VWF: variants seen among roughly 807,000 people sequenced by gnomAD.
The protein encoded by VWF is Factor VIII related antigen.
VWF carries 176 observed loss-of-function variants against 308.6 expected under a neutral mutation model. The observed-to-expected ratio is 0.57, with a 90% confidence interval of 0.50 to 0.65. VWF has a LOEUF of 0.65. Among genes scored for constraint, VWF ranks in the 30% least tolerant of loss-of-function variants. The pLI, the probability that VWF is intolerant of heterozygous loss-of-function variation, is 0.00. For missense variants in VWF, 3,146 were observed against 3,648.2 expected, an observed-to-expected ratio of 0.86 and a Z score of 3.55; for synonymous variants, 1,385 against 1,443.4, an observed-to-expected ratio of 0.96 and a Z score of 0.92.
rs151261204 is a variant in VWF, at chr12:6,063,824, C to T, written c.1432+422G>A. On this transcript the variant is annotated intron_variant, in intron 12 of 51. Coordinates refer to ENST00000261405, the MANE Select transcript of VWF (RefSeq NM_000552.5). The surrounding 1 kb of genome is among the most constrained non-coding windows in gnomAD (Gnocchi z 4.9). ...GACAGGCCAGAGGGTCACCTGGCCT[C>T]GCCCCAAGTGGCATCCTCTGGTGTG... is the stretch of plus-strand genomic sequence containing the variant. Among the ~76,000 whole-genome samples the T allele has an allele frequency of 3.3e-5, 5 of 152,278 alleles. No individual in the cohort carries two copies. Among genetic ancestry groups the T allele is most frequent in the Middle Eastern group, 6.8e-3 (2 of 294 alleles).
chr12:6,105,953 G>A (rs952985402), intron 5 of VWF, among the ~76,000 whole-genome samples: 1 of 152,174 alleles, frequency 6.6e-6, no homozygotes, highest in African/African-American at 2.4e-5. Context: ...TGAGGCAGGA[G>A]AATCACTTGA....
chr12:6,087,941 C>T (rs563999943), intron 6 of VWF, among the ~76,000 whole-genome samples: 58 of 152,130 alleles, frequency 3.8e-4, no homozygotes, highest in African/African-American at 1.3e-3. Flanking sequence ...AGAGACTGAT[C>T]GCCTTGAGGA....
At chr12:6,087,658 C>G (rs778399067) in intron 6 of VWF, among the ~76,000 whole-genome samples, 1 of 151,942 alleles carries the variant, frequency 6.6e-6, no homozygotes, top group Non-Finnish European at 1.5e-5. Flanking sequence ...GCCCCCGCGC[C>G]TGGCCAAGAT....
chr12:5,949,904 G>T, intron 50 of VWF, 21 bp from the exon 51 acceptor site: 1 of 1,607,996 alleles, frequency 6.2e-7, no homozygotes, highest in African/African-American at 1.3e-5. Context: ...GGTGAGAGAT[G>T]AAACTTGAGG....
At chr12:6,041,599 C>T (rs1026262073) in intron 18 of VWF, among the ~76,000 whole-genome samples, 32 of 151,844 alleles carry the variant, frequency 2.1e-4, no homozygotes, top group Non-Finnish European at 5.9e-5. Flanking sequence ...CAGGCGCCCG[C>T]CACCACGCCC....
chr12:5,964,278 A>ATACATACATACATACATG (rs1943370598), intron 47 of VWF, among the ~76,000 whole-genome samples: 7 of 138,482 alleles, frequency 5.1e-5, no homozygotes, highest in African/African-American at 2.4e-4. Context: ...ATACATGCAT[A>ATACATACATACATACATG]CATACATGCA....
intron 38 of VWF, among the ~76,000 whole-genome samples, chr12:5,990,909 T>A (rs4348960): frequency 0.35 from 9,811 of 27,968 alleles, 1,833 homozygotes; most frequent in African/African-American, 0.47. Context: ...AAAAAAAAAA[T>A]TTTGATGACT....
chr12:6,123,945 A>G (rs1056915122), intron 1 of VWF, among the ~76,000 whole-genome samples: 3 of 152,110 alleles, frequency 2.0e-5, no homozygotes, highest in Non-Finnish European at 4.4e-5. Flanking sequence ...AAGTTGTTAA[A>G]TGAAGTGCAG....
intron 43 of VWF, among the ~76,000 whole-genome samples, chr12:5,974,504 A>G (rs1943511305): frequency 6.6e-6 from 1 of 152,134 alleles, no homozygotes; most frequent in African/African-American, 2.4e-5. Flanking sequence ...CCAATAGTTG[A>G]CTGGACCAGA....
chr12:6,019,408 G>A lies in VWF; in HGVS notation c.4010C>T (p.Pro1337Leu), dbSNP rs61749400. 8 of 1,613,930 alleles carry A rather than the reference G, an allele frequency of 5.0e-6. No homozygotes were observed. The highest frequency in any genetic ancestry group is 1.1e-5 in the South Asian group (1 of 91,072). The change falls in exon 28 of 52, where the codon CCG (proline) becomes CTG (leucine). Residue 1337 changes from proline (P) to leucine (L), a missense_variant. By Grantham distance (98) the Pro-to-Leu change is moderately conservative. Coordinates refer to ENST00000261405, the MANE Select transcript of VWF (RefSeq NM_000552.5). The surrounding 1 kb of genome is among the most constrained non-coding windows in gnomAD (Gnocchi z 5.8). ...GCTGGCAATGCGCCGCAGCTCTGAC[G>A]GTCGCTTCCGGTCCTTGAGCCCGAT... ...AYIGLKDRKR[P>L]SELRRIASQV...
chr12:6,110,285 C>G, intron 5 of VWF, 89 bp downstream of exon 5: 1 of 1,392,538 alleles, frequency 7.2e-7, no homozygotes, highest in South Asian at 1.2e-5. Flanking sequence ...GGCTTGAATG[C>G]CAGGGAAGGC....
intron 44 of VWF, 36 bp from the exon 45 acceptor site, chr12:5,969,427 C>T: frequency 6.2e-7 from 1 of 1,613,432 alleles, no homozygotes; most frequent in African/African-American, 1.3e-5. Context: ...CAAGCTGGGG[C>T]AGGGCTGGAG....
At chr12:6,088,892 A>AT (rs1360509973) in intron 6 of VWF, among the ~76,000 whole-genome samples, 2 of 152,254 alleles carry the variant, frequency 1.3e-5, no homozygotes, top group Non-Finnish European at 2.9e-5. Flanking sequence ...TTTTGTTGGC[A>AT]TAACAAGGAA....
Position 5,981,802 on chromosome 12 carries a change from G to A in VWF, c.7271C>T (p.Thr2424Ile). 1 of 1,614,170 alleles carries A rather than the reference G, an allele frequency of 6.2e-7. No individual in the cohort carries two copies. Among genetic ancestry groups the A allele is most frequent in the Non-Finnish European group, 8.5e-7 (1 of 1,180,026 alleles). The change falls in exon 42 of 52, where the codon ACC (threonine) becomes ATC (isoleucine). Residue 2424 changes from threonine (T) to isoleucine (I), a missense_variant. Thr to Ile is a moderately conservative substitution (Grantham distance 89). Transcript: ENST00000261405. ...AGTCCTTACCTTGTCGGGAAGGCAG[G>A]TGGTTGTGGTACAGCCACAGTCATT... ...ATNDCGCTTT[T>I]CLPDKVCVHR... is the part of the protein sequence containing the mutation.
chr12:5,970,220 T>A (rs1405008816), intron 44 of VWF, among the ~76,000 whole-genome samples: 1 of 152,180 alleles, frequency 6.6e-6, no homozygotes, highest in Non-Finnish European at 1.5e-5. Context: ...TCACTGAGCC[T>A]TGGCCACTGG....
rs149055561 is a variant in VWF at position 6,101,542 on chromosome 12, C to T, written c.533-5958G>A. Among the ~76,000 whole-genome samples, 934 of 149,050 alleles carry T rather than the reference C, an allele frequency of 6.3e-3. 12 individuals are homozygous for T. Among genetic ancestry groups the T allele is most frequent in the African/African-American group, 0.02 (830 of 40,594 alleles). On this transcript the variant is annotated intron_variant, in intron 5 of 51. Transcript: ENST00000261405. Reference sequence around the variant, plus strand: ...CTGTAATCTCAGCATTTTGGGAGGCCGAGGAGGGCAGATCACGACGTCAGG... The same window carrying T: ...CTGTAATCTCAGCATTTTGGGAGGCTGAGGAGGGCAGATCACGACGTCAGG...
chr12:5,980,898 C>T (rs1033582991), intron 42 of VWF, among the ~76,000 whole-genome samples: 25 of 152,338 alleles, frequency 1.6e-4, no homozygotes, highest in African/African-American at 4.8e-4. Flanking sequence ...GTTCTCACTC[C>T]GCCACTTTCG....
In VWF at chr12:6,022,811, G is replaced by A. The variant is rs267607328; in HGVS notation, c.3467C>T (p.Thr1156Met). The A allele has an allele frequency of 7.4e-6, 4 of 538,010 alleles. No individual in the cohort carries two copies. Among genetic ancestry groups the A allele is most frequent in the Non-Finnish European group, 9.5e-6 (3 of 315,394 alleles). 33.3% of individuals were successfully genotyped at this position (538,010 alleles called of 1,614,324 possible). A position where few individuals can be genotyped will look rare whatever the true frequency, so the allele number is the denominator to read the frequency against. Residue 1156 changes from threonine (T) to methionine (M), a missense_variant, in exon 26 of 52, where the codon ACG becomes ATG. Physicochemically the swap from Thr to Met is moderately conservative, Grantham distance 81. Transcript: ENST00000261405. ...YNSCAPACQVTCQHPEPLACP... is the reference protein window; with the variant it reads ...YNSCAPACQVMCQHPEPLACP... ...GGCCAGTGGCTCAGGGTGCTGACACGTGACTTGACAGGCAGGTGCACAGCT... is the reference window on the plus strand; with the variant it reads ...GGCCAGTGGCTCAGGGTGCTGACACATGACTTGACAGGCAGGTGCACAGCT...
chr12:5,979,895 G>A, intron 42 of VWF, among the ~76,000 whole-genome samples: 1 of 150,650 alleles, frequency 6.6e-6, no homozygotes, highest in Non-Finnish European at 1.5e-5. Flanking sequence ...CAAAAAATTA[G>A]CCGGGCGTGG....
Sources: allele counts gnomAD v4.1 joint callset (sites outside exome capture counted in the v4.1 genomes callset), GRCh38; gene constraint gnomAD v4.1.1; non-coding constraint Gnocchi (gnomAD v3.1); transcripts MANE v1.5; gene names NCBI Gene and HGNC (gene_info 2026-07-23, HGNC 2026-07-21).